The following CCR5AS variants were observed in gnomAD, a reference collection of about 807,000 sequenced individuals.
CCR5AS encodes the protein CCR5 antisense RNA.
intron 1 of CCR5AS, among the ~76,000 whole-genome samples, chr3:46,396,328 T>G (rs1375999127): frequency 1.3e-5 from 2 of 151,894 alleles, no homozygotes; most frequent in African/African-American, 4.9e-5. Flanking sequence ...AGGGAGTGAG[T>G]GGGCAGTGTG....
chr3:46,367,818 C>T (rs35078594), intron 3 of CCR5AS, among the ~76,000 whole-genome samples: 23 of 152,354 alleles, frequency 1.5e-4, no homozygotes, highest in African/African-American at 4.3e-4. Context: ...GTTATCCACT[C>T]GCCTTGGCTT....
intron 1 of CCR5AS, among the ~76,000 whole-genome samples, chr3:46,397,974 A>G (rs540543217): frequency 3.3e-5 from 5 of 152,370 alleles, no homozygotes; most frequent in Admixed American, 3.3e-4. Flanking sequence ...CACGGGGCAG[A>G]CAGCAAGGCT....
At chr3:46,406,600 G>C (rs1702050886) in intron 1 of CCR5AS, among the ~76,000 whole-genome samples, 1 of 152,142 alleles carries the variant, frequency 6.6e-6, no homozygotes, top group Non-Finnish European at 1.5e-5. Flanking sequence ...TGTCGCCTCT[G>C]TGTCATCACC....
intron 2 of CCR5AS, among the ~76,000 whole-genome samples, chr3:46,380,682 G>T (rs1025864468): frequency 1.3e-5 from 2 of 152,176 alleles, no homozygotes; most frequent in African/African-American, 2.4e-5. Context: ...AGGAGCACTC[G>T]TGACTCCCTT....
intron 1 of CCR5AS, among the ~76,000 whole-genome samples, chr3:46,401,965 C>T (rs1428098810): frequency 6.6e-6 from 1 of 152,024 alleles, no homozygotes; most frequent in Non-Finnish European, 1.5e-5. Context: ...ACCCTTTCTT[C>T]CTCATGAAGG....
At chr3:46,372,763 A>C in intron 2 of CCR5AS, 1 of 639,154 alleles carries the variant, frequency 1.6e-6, no homozygotes, top group Non-Finnish European at 2.6e-6. Flanking sequence ...CCAAAAAGAG[A>C]GTTAATTCAA....
intron 2 of CCR5AS, among the ~76,000 whole-genome samples, chr3:46,383,534 A>G (rs1701832481): frequency 6.6e-6 from 1 of 152,178 alleles, no homozygotes; most frequent in African/African-American, 2.4e-5. Context: ...CACGCGCCTC[A>G]GTCTACTTCC....
At chr3:46,399,711 A>T (rs1701990570) in intron 1 of CCR5AS, among the ~76,000 whole-genome samples, 1 of 152,164 alleles carries the variant, frequency 6.6e-6, no homozygotes, top group Non-Finnish European at 1.5e-5. Flanking sequence ...AAAAATGTAG[A>T]CATACCACAG....
At chr3:46,378,106 G>T (rs1444836994) in intron 2 of CCR5AS, among the ~76,000 whole-genome samples, 1 of 152,174 alleles carries the variant, frequency 6.6e-6, no homozygotes, top group Admixed American at 6.5e-5. Context: ...AACCCTCGGG[G>T]ATAAGGCTGA....
chr3:46,384,862 TAGATAGATAGATAGATA>T (rs1559572430), intron 2 of CCR5AS, among the ~76,000 whole-genome samples: 2 of 2,288 alleles, frequency 8.7e-4, no homozygotes, highest in African/African-American at 1.4e-3. Context: ...AGATGATAGA[TAGATAGATAGATAGATA>T]GATAGATAGA....
chr3:46,373,586 G>A (rs1445636663), intron 2 of CCR5AS: 1 of 1,613,810 alleles, frequency 6.2e-7, no homozygotes, highest in African/African-American at 1.3e-5. Flanking sequence ...GAAATGAGAA[G>A]AAGAGGCACA....
rs149977098 is a variant in CCR5AS, at chr3:46,369,255, G to A, written n.565+1989C>T. Reference sequence around the variant, plus strand: ...TAAGGCACAGAGCTTCAATAATTTGGTCAGAGCCAAGTAGCAGTAATGAAG... The same window carrying A: ...TAAGGCACAGAGCTTCAATAATTTGATCAGAGCCAAGTAGCAGTAATGAAG... On this transcript the variant is annotated intron_variant and non_coding_transcript_variant, in intron 3 of 3. Coordinates refer to ENST00000451485, the Ensembl canonical transcript of CCR5AS. Among the ~76,000 whole-genome samples the A allele has an allele frequency of 4.6e-5, 7 of 152,222 alleles. No individual in the cohort carries two copies. The East Asian group carries it at 1.4e-3, about 29-fold the overall frequency.
At chr3:46,399,394 A>G (rs952058931) in intron 1 of CCR5AS, among the ~76,000 whole-genome samples, 8 of 152,168 alleles carry the variant, frequency 5.3e-5, no homozygotes, top group Non-Finnish European at 1.2e-4. Flanking sequence ...TGCAGGGTGT[A>G]GAGTAGGGAA....
At chr3:46,396,327 G>T (rs1701961616) in intron 1 of CCR5AS, among the ~76,000 whole-genome samples, 1 of 151,968 alleles carries the variant, frequency 6.6e-6, no homozygotes, top group Admixed American at 6.5e-5. Context: ...AAGGGAGTGA[G>T]TGGGCAGTGT....
chr3:46,370,422 G>A (rs1389642911), intron 3 of CCR5AS, among the ~76,000 whole-genome samples: 1 of 152,112 alleles, frequency 6.6e-6, no homozygotes, highest in African/African-American at 2.4e-5. Context: ...TAGGGGATAC[G>A]GGGAGAGTGG....
intron 2 of CCR5AS, among the ~76,000 whole-genome samples, chr3:46,378,389 G>A (rs1448788304): frequency 2.0e-5 from 3 of 151,612 alleles, no homozygotes; most frequent in Admixed American, 6.6e-5. Flanking sequence ...TTGTTACTAC[G>A]TGGTTTGATA....
chr3:46,365,493 T>A (rs1701591070), intron 3 of CCR5AS, among the ~76,000 whole-genome samples: 1 of 152,352 alleles, frequency 6.6e-6, no homozygotes, highest in African/African-American at 2.4e-5. Context: ...AACTTTTATA[T>A]GCACTGGGAA....
chr3:46,367,075 G>A (rs1480740105), intron 3 of CCR5AS, among the ~76,000 whole-genome samples: 1 of 152,150 alleles, frequency 6.6e-6, no homozygotes, highest in African/African-American at 2.4e-5. Flanking sequence ...AGCCAGACAG[G>A]AAAGAGGACA....
Position 46,388,148 on chromosome 3 carries a change from A to T in CCR5AS, n.391+4677T>A, listed in dbSNP as rs1323805441. Among the ~76,000 whole-genome samples, 4 of 152,200 alleles carry T rather than the reference A, an allele frequency of 2.6e-5. No individual in the cohort carries two copies. In the East Asian group the frequency reaches 5.8e-4, roughly 22 times the overall value. On this transcript the variant is annotated intron_variant and non_coding_transcript_variant, in intron 2 of 3. Transcript: ENST00000451485. The stretch of plus-strand genomic sequence containing the variant: ...ACATTCCTGTCTTCTTATATTAATA[A>T]GAAAAACAAAACAAAATAGTGATGA...
Sources: gnomAD v4.1 joint callset for allele counts (sites outside exome capture counted in the v4.1 genomes callset) on GRCh38, gnomAD v4.1.1 for gene constraint, MANE v1.5 for transcripts, NCBI Gene and HGNC (gene_info 2026-07-23, HGNC 2026-07-21) for gene names.